Variants in MAP1B observed in about 807,000 individuals in gnomAD.
The protein encoded by MAP1B is microtubule associated protein 1B.
MAP1B carries 12 observed loss-of-function variants against 176.1 expected under a neutral mutation model. The observed-to-expected ratio is 0.07, with a 90% CI of 0.04 to 0.11. The LOEUF (loss-of-function observed/expected upper bound fraction) is 0.11, where lower values mean the gene tolerates loss of function less well. Ranked by LOEUF, MAP1B falls within the 10% of genes least tolerant of loss-of-function variation. The pLI, the probability that MAP1B is intolerant of heterozygous loss-of-function variation, is 1.00. For missense variants in MAP1B, 2,523 were observed against 2,990.5 expected, an observed-to-expected ratio of 0.84 and a Z score of 3.65; for synonymous variants, 1,044 against 1,135.0, an observed-to-expected ratio of 0.92 and a Z score of 1.61.
Position 72,197,439 on chromosome 5 carries a change from A to G in MAP1B, c.4084A>G (p.Ser1362Gly). Residue 1362 changes from serine to glycine, a missense_variant, in exon 5 of 7, where the codon AGT (serine) becomes GGT (glycine). Physicochemically the swap from Ser to Gly is moderately conservative, Grantham distance 56 (BLOSUM62 0). Transcript: ENST00000296755. ...VIEKPPAVPV[S>G]FEFSDAKDEN... ...TGAAAAACCACCAGCAGTTCCAGTG[A>G]GTTTTGAATTCAGTGATGCCAAAGA... 6.2e-7 allele frequency: 1 copy of G among 1,614,218 alleles called. No homozygotes were observed. The highest frequency in any genetic ancestry group is 8.5e-7 in the Non-Finnish European group (1 of 1,180,034).
intron 2 of MAP1B, among the ~76,000 whole-genome samples, chr5:72,138,563 TA>T (rs1745879453): frequency 6.6e-6 from 1 of 152,116 alleles, no homozygotes; most frequent in African/African-American, 2.4e-5. Flanking sequence ...AAATGTTATG[TA>T]AAAAAATGCT....
At chr5:72,132,384 T>C (rs1459477562) in intron 2 of MAP1B, among the ~76,000 whole-genome samples, 1 of 152,244 alleles carries the variant, frequency 6.6e-6, no homozygotes, top group Admixed American at 6.5e-5. Context: ...TATCATTGTT[T>C]CTCTTCCTGT....
At chr5:72,135,992 A>G (rs545713151) in intron 2 of MAP1B, among the ~76,000 whole-genome samples, 1 of 152,318 alleles carries the variant, frequency 6.6e-6, no homozygotes, top group South Asian at 2.1e-4. Flanking sequence ...AGGCCAGTGC[A>G]TTTGGTGAGC....
At chr5:72,115,909 T>C in intron 2 of MAP1B, 110 bp downstream of exon 2, 1 of 728,416 alleles carries the variant, frequency 1.4e-6, no homozygotes, top group Non-Finnish European at 2.4e-6. Flanking sequence ...AAAAGGATAC[T>C]TTGTATTTGT....
chr5:72,182,868 C>T (rs1413992699), intron 2 of MAP1B, among the ~76,000 whole-genome samples: 2 of 152,288 alleles, frequency 1.3e-5, no homozygotes, highest in Middle Eastern at 3.4e-3. Context: ...GCATGTATCA[C>T]CAACTGGGCC....
At chr5:72,116,510 C>G in intron 2 of MAP1B, 1 of 383,878 alleles carries the variant, frequency 2.6e-6, no homozygotes, top group South Asian at 2.0e-5. Flanking sequence ...AGCCACCTTC[C>G]TGGGGCTATG....
Position 72,203,645 on chromosome 5 carries a change from C to T in MAP1B, c.7095C>T (p.Asn2365=). The part of the protein sequence containing the change: ...PVYLDLCYIP[N]HSNSKNVDVE... Reference sequence around the variant, plus strand: ...ATTTGGACCTGTGCTACATTCCTAACCACAGCAATAGTAAGAATGTTGATG... The same window carrying T: ...ATTTGGACCTGTGCTACATTCCTAATCACAGCAATAGTAAGAATGTTGATG... Residue 2365 remains asparagine, a synonymous_variant, in exon 6 of 7, where the codon AAC becomes AAT. Coordinates refer to ENST00000296755, the MANE Select transcript of MAP1B (RefSeq NM_005909.5). 6.8e-6 allele frequency: 11 copies of T among 1,614,186 alleles called. No homozygotes were observed. The highest frequency in any genetic ancestry group is 8.5e-6 in the Non-Finnish European group (10 of 1,180,024).
chr5:72,168,044 C>T (rs1006556321), intron 2 of MAP1B, among the ~76,000 whole-genome samples: 2 of 152,270 alleles, frequency 1.3e-5, no homozygotes, highest in African/African-American at 4.8e-5. Flanking sequence ...GCTCTTGCCC[C>T]TGTCCAGCTC....
rs10078541 is a variant in MAP1B, at chr5:72,137,829, T to C, written c.286+22030T>C. Among the ~76,000 whole-genome samples the C allele has an allele frequency of 5.9e-5, 9 of 152,350 alleles. No homozygotes were observed. The South Asian group carries it at 1.0e-3, about 18-fold the overall frequency. ...ATATTTAAATGTGATCAAAGGATCT[T>C]GGTCATAGGATTCATGTGTAAGAAA... On this transcript the variant is annotated intron_variant, in intron 2 of 6. Transcript: ENST00000296755.
At chr5:72,127,307 A>G (rs549500779) in intron 2 of MAP1B, among the ~76,000 whole-genome samples, 9 of 152,370 alleles carry the variant, frequency 5.9e-5, no homozygotes, top group Admixed American at 2.0e-4. Context: ...TTTTCGAATC[A>G]GATTATTACT....
chr5:72,153,576 A>G (rs1169041668), intron 2 of MAP1B, among the ~76,000 whole-genome samples: 1 of 151,920 alleles, frequency 6.6e-6, no homozygotes, highest in East Asian at 1.9e-4. Context: ...CTGGTGGGAC[A>G]TCACAGAGCT....
At position 72,196,181 on chromosome 5, in the gene MAP1B, T is replaced by C. The variant is rs1455243062; in HGVS notation, c.2826T>C (p.Tyr942=). The change falls in exon 5 of 7, where the codon TAT becomes TAC. Residue 942 remains tyrosine (Y), a synonymous_variant. Transcript: ENST00000296755. This position sits in a 1 kb window ranked among gnomAD's most constrained non-coding sequence, Gnocchi z 5.3. The stretch of plus-strand genomic sequence containing the variant: ...AAGAATCTTCAGAGACTGGAGACTA[T>C]GAAGAGAAGGCAGAAACTGAGGAGG... ...GFEESSETGD[Y]EEKAETEEAE... is the part of the protein sequence containing the mutation. The C allele has an allele frequency of 6.2e-7, 1 of 1,613,222 alleles. No homozygotes were observed. Among genetic ancestry groups the C allele is most frequent in the Non-Finnish European group, 8.5e-7 (1 of 1,179,936 alleles).
intron 2 of MAP1B, among the ~76,000 whole-genome samples, chr5:72,174,893 T>TTCCTTCCC (rs1561306510): frequency 2.1e-5 from 3 of 145,142 alleles, no homozygotes; most frequent in South Asian, 2.2e-4. Flanking sequence ...CCTTCCTTCC[T>TTCCTTCCC]TCCCTCCCTC....
intron 2 of MAP1B, among the ~76,000 whole-genome samples, chr5:72,150,379 C>A (rs1357187034): frequency 6.6e-6 from 1 of 152,214 alleles, no homozygotes; most frequent in Non-Finnish European, 1.5e-5. Flanking sequence ...TGGCTGCAAG[C>A]CGAAATGACC....
chr5:72,122,915 CA>C (rs1410371638), intron 2 of MAP1B, among the ~76,000 whole-genome samples: 12 of 152,186 alleles, frequency 7.9e-5, no homozygotes, highest in Admixed American at 3.3e-4. Context: ...CTCCAGAGAC[CA>C]AAGAGAGCTC....
intron 2 of MAP1B, among the ~76,000 whole-genome samples, chr5:72,117,822 C>T (rs757799485): frequency 2.0e-5 from 3 of 152,192 alleles, no homozygotes; most frequent in Non-Finnish European, 4.4e-5. Flanking sequence ...CAAGGCTCCC[C>T]TCTGGGAATT....
intron 1 of MAP1B, among the ~76,000 whole-genome samples, chr5:72,113,477 T>C (rs1368281986): frequency 6.6e-6 from 1 of 152,232 alleles, no homozygotes; most frequent in Non-Finnish European, 1.5e-5. Flanking sequence ...AAAAATAAAA[T>C]ATGTATGAAA....
intron 4 of MAP1B, among the ~76,000 whole-genome samples, chr5:72,188,986 A>T (rs79939802): frequency 3.3e-5 from 5 of 152,152 alleles, no homozygotes; most frequent in African/African-American, 9.7e-5. Context: ...GTTGCCTTGG[A>T]AAAATGGTTG....
Position 72,197,609 on chromosome 5 carries a change from C to G in MAP1B, c.4254C>G (p.Asp1418Glu), listed in dbSNP as rs1439839371. ...ATGAAAGTTTTCTAAGTGCTGATGACAAGGCTTCTGGCAGAGGTGCCGAAA... is the reference window on the plus strand; with the variant it reads ...ATGAAAGTTTTCTAAGTGCTGATGAGAAGGCTTCTGGCAGAGGTGCCGAAA... ...SAYESFLSAD[D>E]KASGRGAESP... Residue 1418 changes from aspartate (D) to glutamate (E), a missense_variant, in exon 5 of 7, where the codon GAC (aspartate) becomes GAG (glutamate). Asp to Glu is a conservative substitution (Grantham distance 45). This residue lies in a region of MAP1B where 1,925 missense variants were observed against 2,126.0 expected (regional missense o/e 0.91). Coordinates refer to ENST00000296755, the MANE Select transcript of MAP1B (RefSeq NM_005909.5). The G allele has an allele frequency of 6.2e-7, 1 of 1,614,184 alleles. No homozygotes were observed. Among genetic ancestry groups the G allele is most frequent in the Admixed American group, 1.7e-5 (1 of 60,018 alleles).
Sources: gnomAD v4.1 joint callset for allele counts (sites outside exome capture counted in the v4.1 genomes callset) on GRCh38, gnomAD v4.1.1 for gene constraint, gnomAD v4.1.1 regional missense constraint, Gnocchi (gnomAD v3.1) non-coding constraint, MANE v1.5 for transcripts, NCBI Gene and HGNC (gene_info 2026-07-23, HGNC 2026-07-21) for gene names.